KSR2: variants seen among roughly 807,000 people sequenced by gnomAD.
KSR2 encodes the protein kinase suppressor of ras 2.
KSR2 carries 25 observed loss-of-function variants against 107.8 expected under a neutral mutation model. The observed-to-expected ratio is 0.23, with a 90% confidence interval of 0.17 to 0.32. KSR2 has a LOEUF of 0.32. KSR2 is among the 10% of genes least tolerant of loss of function. The pLI is 1.00. For missense variants in KSR2, 887 were observed against 1,268.9 expected (o/e 0.70, Z 4.57); for synonymous variants, 480 against 507.0 (o/e 0.95, Z 0.71).
chr12:117,794,159 T>C (rs1319752280), intron 3 of KSR2, among the ~76,000 whole-genome samples: 52 of 55,432 alleles, frequency 9.4e-4, no homozygotes, highest in Admixed American at 1.8e-3. Flanking sequence ...CATGCACACA[T>C]ACACCAACAT....
chr12:117,807,048 G>T (rs928819099), intron 3 of KSR2, among the ~76,000 whole-genome samples: 3 of 152,186 alleles, frequency 2.0e-5, no homozygotes, highest in African/African-American at 7.2e-5. Flanking sequence ...CTCAGCGTCA[G>T]CTGGAGCAGC....
chr12:117,717,667 G>GTATGTA (rs1491287148), intron 4 of KSR2, among the ~76,000 whole-genome samples: 1 of 3,052 alleles, frequency 3.3e-4, no homozygotes, highest in African/African-American at 7.1e-4. Context: ...GGGCAGACAG[G>GTATGTA]TGTGTGTGTG....
chr12:117,893,714 G>T (rs902786275), intron 1 of KSR2, among the ~76,000 whole-genome samples: 1 of 152,182 alleles, frequency 6.6e-6, no homozygotes, highest in African/African-American at 2.4e-5. Context: ...AAACAAGTAG[G>T]TGCTTGCTTT....
intron 5 of KSR2, among the ~76,000 whole-genome samples, chr12:117,630,745 G>A (rs761988954): frequency 6.6e-6 from 1 of 152,106 alleles, no homozygotes; most frequent in Non-Finnish European, 1.5e-5. Context: ...AGGGACGCAA[G>A]GTTCTCTGGG....
At chr12:117,603,590 A>T (rs1881074223) in intron 5 of KSR2, among the ~76,000 whole-genome samples, 1 of 152,254 alleles carries the variant, frequency 6.6e-6, no homozygotes, top group African/African-American at 2.4e-5. Context: ...CAGGGCAGGC[A>T]GCCACACCAC....
chr12:117,760,725 A>G (rs1281975465), intron 4 of KSR2, among the ~76,000 whole-genome samples: 1 of 152,246 alleles, frequency 6.6e-6, no homozygotes, highest in African/African-American at 2.4e-5. Context: ...TAAAGGAATG[A>G]TCATGGGCGT....
chr12:117,499,998 C>A (rs1873284822), intron 14 of KSR2, among the ~76,000 whole-genome samples: 2 of 152,116 alleles, frequency 1.3e-5, no homozygotes. Context: ...TGAATCAACC[C>A]TGGATCTGTT....
intron 5 of KSR2, among the ~76,000 whole-genome samples, chr12:117,623,778 A>C (rs541059166): frequency 6.6e-6 from 1 of 152,320 alleles, no homozygotes; most frequent in Non-Finnish European, 1.5e-5. Context: ...TGGTAATTCT[A>C]GTTCTAGATC....
intron 3 of KSR2, among the ~76,000 whole-genome samples, chr12:117,809,150 T>A (rs552770113): frequency 1.3e-5 from 2 of 152,196 alleles, no homozygotes; most frequent in Non-Finnish European, 2.9e-5. Context: ...ACTGAGACTT[T>A]AAGGTTTATC....
intron 3 of KSR2, among the ~76,000 whole-genome samples, chr12:117,795,435 G>T (rs77826136): frequency 0.035 from 5,288 of 152,198 alleles, 298 homozygotes; most frequent in African/African-American, 0.12. Flanking sequence ...AGACTGGAAT[G>T]CCAGAAGAGC....
At chr12:117,957,553 C>T (rs1896549910) in intron 1 of KSR2, among the ~76,000 whole-genome samples, 1 of 152,124 alleles carries the variant, frequency 6.6e-6, no homozygotes, top group African/African-American at 2.4e-5. Flanking sequence ...GGCCCTATCC[C>T]TCTTCCCAAC....
rs1227923940 is a variant in KSR2, at chr12:117,457,011, C to G, written c.*10188G>C. 6.6e-6 allele frequency: 1 copy of G among 152,224 alleles called. No homozygotes were observed. The highest frequency in any genetic ancestry group is 2.4e-5 in the African/African-American group (1 of 41,446). The allele number at this position is 152,224 out of a possible 1,614,324, so 9.4% of individuals were successfully genotyped here. ...GCTTTCCCTGAGTAGCCTCAGAAAG[C>G]AACACCAAGATTGCCGGATGCAAGT... On this transcript the variant is annotated 3_prime_UTR_variant, in exon 20 of 20. Coordinates refer to ENST00000339824, the MANE Select transcript of KSR2 (RefSeq NM_173598.6).
rs1416830967 is a variant in KSR2 at position 117,578,866 on chromosome 12, G to A, written c.1325+253C>T. On this transcript the variant is annotated intron_variant, in intron 7 of 19. Coordinates refer to ENST00000339824, the MANE Select transcript of KSR2 (RefSeq NM_173598.6). ...GCCTTAGATGTTATGAAAACGAGAA[G>A]TATCACTGTGCCTCAGCACACAGCA... Among the ~76,000 whole-genome samples the A allele has an allele frequency of 5.9e-5, 9 of 152,310 alleles. No homozygotes were observed. In the East Asian group the frequency reaches 1.7e-3, roughly 29 times the overall value.
chr12:117,562,049 T>A (rs1386992921), intron 7 of KSR2, among the ~76,000 whole-genome samples: 1 of 151,752 alleles, frequency 6.6e-6, no homozygotes, highest in Non-Finnish European at 1.5e-5. Context: ...CATGAAAAAA[T>A]ATTACAGGAA....
intron 4 of KSR2, among the ~76,000 whole-genome samples, chr12:117,700,938 C>G (rs746410392): frequency 6.6e-6 from 1 of 152,310 alleles, no homozygotes; most frequent in South Asian, 2.1e-4. Flanking sequence ...CATTTCTCAA[C>G]ATTACCCCTC....
At chr12:117,700,424 A>G (rs1593145449) in intron 4 of KSR2, among the ~76,000 whole-genome samples, 2 of 152,166 alleles carry the variant, frequency 1.3e-5, no homozygotes, top group East Asian at 3.9e-4. Flanking sequence ...TCCATCTACC[A>G]CTTTGCCTAT....
intron 4 of KSR2, among the ~76,000 whole-genome samples, chr12:117,698,241 TTA>T (rs1886152642): frequency 6.6e-6 from 1 of 152,146 alleles, no homozygotes; most frequent in Non-Finnish European, 1.5e-5. Flanking sequence ...CTCTAGGAAA[TTA>T]ATATATCTCC....
intron 1 of KSR2, among the ~76,000 whole-genome samples, chr12:117,936,511 TTTATTATTA>T (rs145675167): frequency 0.12 from 17,206 of 139,558 alleles, 1,273 homozygotes; most frequent in Non-Finnish European, 0.16. Context: ...TTATTATTAT[TTTATTATTA>T]TTATTATTAT....
At chr12:117,674,349 T>A in intron 4 of KSR2, 1 of 484,824 alleles carries the variant, frequency 2.1e-6, no homozygotes, top group Non-Finnish European at 4.1e-6. Flanking sequence ...TTTTGCTTTT[T>A]TGTTATACTA....
Sources: allele counts gnomAD v4.1 joint callset (sites outside exome capture counted in the v4.1 genomes callset), GRCh38; gene constraint gnomAD v4.1.1; transcripts MANE v1.5; gene names NCBI Gene and HGNC (gene_info 2026-07-23, HGNC 2026-07-21).